Variants in FAM184B observed in about 807,000 individuals in gnomAD.
FAM184B encodes the protein family with sequence similarity 184 member B.
In FAM184B, 111 loss-of-function variants were observed where a neutral mutation model predicts 135.9. The observed-to-expected ratio is 0.82, with a 90% CI of 0.70 to 0.96. The LOEUF (loss-of-function observed/expected upper bound fraction) is 0.96. Ranked by LOEUF, FAM184B falls within the 40% of genes least tolerant of loss-of-function variation. The pLI, the probability that FAM184B is intolerant of heterozygous loss-of-function variation, is 0.00. For synonymous variants in FAM184B, 552 were observed against 524.8 expected, an observed-to-expected ratio of 1.05 and a Z score of -0.71; for missense variants, 1,375 against 1,323.9, an observed-to-expected ratio of 1.04 and a Z score of -0.60.
chr4:17,693,262 AG>A, intron 6 of FAM184B, 39 bp downstream of exon 6: 1 of 1,483,478 alleles, frequency 6.7e-7, no homozygotes, highest in Non-Finnish European at 9.2e-7. Context: ...CCCAGGGACC[AG>A]AAACAGCACC....
chr4:17,636,806 G>A (rs1350835240), intron 14 of FAM184B, among the ~76,000 whole-genome samples, 161 bp from the exon 15 acceptor site: 1 of 152,136 alleles, frequency 6.6e-6, no homozygotes, highest in Non-Finnish European at 1.5e-5. Context: ...GAGATGGCTT[G>A]CCGAACCCAG....
intron 1 of FAM184B, among the ~76,000 whole-genome samples, chr4:17,720,883 TAA>T (rs59409749): frequency 0.13 from 13,204 of 100,448 alleles, 713 homozygotes; most frequent in Non-Finnish European, 0.15. Flanking sequence ...AGACTTCATC[TAA>T]AAAAAAAAAA....
chr4:17,741,530 C>T (rs1718032914), intron 1 of FAM184B, among the ~76,000 whole-genome samples: 1 of 151,916 alleles, frequency 6.6e-6, no homozygotes, highest in Non-Finnish European at 1.5e-5. Flanking sequence ...CCCATCTCTA[C>T]TAAAAATACA....
At chr4:17,680,177 C>T (rs1404745240) in intron 7 of FAM184B, among the ~76,000 whole-genome samples, 1 of 152,106 alleles carries the variant, frequency 6.6e-6, no homozygotes, top group Non-Finnish European at 1.5e-5. Flanking sequence ...CTATATTGAG[C>T]CATTCCACAA....
intron 12 of FAM184B, among the ~76,000 whole-genome samples, chr4:17,646,846 G>C (rs1173025759): frequency 6.6e-6 from 1 of 152,162 alleles, no homozygotes; most frequent in African/African-American, 2.4e-5. Flanking sequence ...CACCCAGCTA[G>C]ACCAGGAATG....
At chr4:17,764,218 C>T (rs1469266651) in intron 1 of FAM184B, among the ~76,000 whole-genome samples, 3 of 152,144 alleles carry the variant, frequency 2.0e-5, no homozygotes, top group Admixed American at 6.6e-5. Flanking sequence ...ATTAATCTTC[C>T]TTTTACTGCC....
chr4:17,649,351 G>A (rs746054188), intron 11 of FAM184B, among the ~76,000 whole-genome samples: 13 of 152,086 alleles, frequency 8.5e-5, no homozygotes, highest in African/African-American at 1.9e-4. Flanking sequence ...TTGGGAGGCC[G>A]ACGTGGGTGG....
intron 6 of FAM184B, among the ~76,000 whole-genome samples, chr4:17,691,907 GC>G (rs1460149150): frequency 1.3e-5 from 2 of 151,776 alleles, no homozygotes; most frequent in African/African-American, 4.8e-5. Flanking sequence ...ACAAAAATTA[GC>G]CAGGCGTGGT....
intron 1 of FAM184B, among the ~76,000 whole-genome samples, chr4:17,711,858 A>G (rs2108967831): frequency 6.6e-6 from 1 of 152,310 alleles, no homozygotes; most frequent in African/African-American, 2.4e-5. Context: ...CTCACCTTGT[A>G]GACATGAGAA....
chr4:17,643,225 G>C (rs1236276690), intron 12 of FAM184B, among the ~76,000 whole-genome samples: 1 of 152,208 alleles, frequency 6.6e-6, no homozygotes, highest in Non-Finnish European at 1.5e-5. Context: ...GATCCCAGTA[G>C]GACAGACTCC....
chr4:17,750,057 T>C (rs575159096), intron 1 of FAM184B, among the ~76,000 whole-genome samples: 2 of 152,248 alleles, frequency 1.3e-5, no homozygotes, highest in Non-Finnish European at 2.9e-5. Context: ...AGAATAAAGA[T>C]CTGCATTAAA....
At chr4:17,669,914 G>C (rs1314921568) in intron 7 of FAM184B, among the ~76,000 whole-genome samples, 1 of 152,118 alleles carries the variant, frequency 6.6e-6, no homozygotes, top group Non-Finnish European at 1.5e-5. Context: ...ATATCCCAGA[G>C]CCAGGATTCA....
Position 17,638,196 on chromosome 4 carries a change from T to C in FAM184B, c.2666+1054A>G, listed in dbSNP as rs114744715. Among the ~76,000 whole-genome samples the C allele has an allele frequency of 2.8e-3, 409 of 148,300 alleles. 2 individuals carry two copies. The highest frequency in any genetic ancestry group is 9.6e-3 in the African/African-American group (386 of 40,180). ...GGTCTATTTTTTTTGTTTTGTTTTG[T>C]TTTGTTTTGAGACAGAGTTTCTCTC... On this transcript the variant is annotated intron_variant, in intron 14 of 17. Transcript: ENST00000265018.
chr4:17,688,682 T>TC (rs1716651454), intron 6 of FAM184B, among the ~76,000 whole-genome samples, 151 bp from the exon 7 acceptor site: 1 of 119,170 alleles, frequency 8.4e-6, no homozygotes. Flanking sequence ...AGAAATGCCT[T>TC]TTTTTTTTTT....
intron 5 of FAM184B, 67 bp downstream of exon 5, chr4:17,704,933 A>G (rs1232790936): frequency 1.4e-6 from 2 of 1,402,432 alleles, no homozygotes; most frequent in Non-Finnish European, 1.9e-6. Context: ...AAGGAACAAA[A>G]AAGGAAAGAA....
chr4:17,699,081 G>C (rs1384502674), intron 5 of FAM184B, among the ~76,000 whole-genome samples: 4 of 152,012 alleles, frequency 2.6e-5, no homozygotes, highest in African/African-American at 9.7e-5. Context: ...AGAACAGAAT[G>C]GAATTTCTAA....
At chr4:17,677,191 G>T (rs1560174059) in intron 7 of FAM184B, among the ~76,000 whole-genome samples, 1 of 152,094 alleles carries the variant, frequency 6.6e-6, no homozygotes, top group Non-Finnish European at 1.5e-5. Flanking sequence ...GGGACTACAG[G>T]TACACACCAC....
In FAM184B at chr4:17,707,794, C is replaced by G; in HGVS notation, c.895-10G>C. ...GCTGCACATCCAGGTCCTAAACAGA[C>G]AGGAAGGGTCCCATTTCTCTGGTTA... is the stretch of plus-strand genomic sequence containing the variant. On this transcript the variant is annotated splice_polypyrimidine_tract_variant and intron_variant, in intron 2 of 17. Transcript: ENST00000265018. 1 of 1,551,890 alleles carries G rather than the reference C, an allele frequency of 6.4e-7. No homozygotes were observed. Among genetic ancestry groups the G allele is most frequent in the South Asian group, 1.2e-5 (1 of 84,046 alleles).
Position 17,632,442 on chromosome 4 carries a change from T to A in FAM184B, c.*90A>T. 9.5e-7 allele frequency: 1 copy of A among 1,056,710 alleles called. No homozygotes were observed. 65.5% of individuals were successfully genotyped at this position (1,056,710 alleles called of 1,614,324 possible). ...ATATATAAATCATAAGCATATTATT[T>A]GGTTGGTTGGTGTTAGTTCATTCCT... is the stretch of plus-strand genomic sequence containing the variant. On this transcript the variant is annotated 3_prime_UTR_variant, in exon 18 of 18. Coordinates refer to ENST00000265018, the MANE Select transcript of FAM184B (RefSeq NM_015688.2).
Sources: allele counts gnomAD v4.1 joint callset (sites outside exome capture counted in the v4.1 genomes callset), GRCh38; gene constraint gnomAD v4.1.1; transcripts MANE v1.5; gene names NCBI Gene and HGNC (gene_info 2026-07-23, HGNC 2026-07-21).